The following GRIA4 variants were observed in gnomAD, a reference collection of about 807,000 sequenced individuals.
The protein encoded by GRIA4 is glutamate receptor 4.
A neutral mutation model predicts 104.0 loss-of-function variants in GRIA4; 34 were observed. That is an observed-to-expected ratio of 0.33 (90% CI 0.25 to 0.44). The LOEUF is 0.44. GRIA4 is among the 20% of genes least tolerant of loss of function. GRIA4 has a pLI of 1.00. For missense variants in GRIA4, 750 were observed against 1,096.5 expected (o/e 0.68, Z 4.46); for synonymous variants, 386 against 381.9 (o/e 1.01, Z -0.13).
intron 10 of GRIA4, chr11:105,912,462 T>C (rs1400723952): frequency 3.1e-6 from 3 of 956,210 alleles, no homozygotes; most frequent in African/African-American, 1.8e-5. Flanking sequence ...GGCTAGTTTT[T>C]AGGAAGCATG....
At chr11:105,914,940 G>A (rs1010279441) in intron 10 of GRIA4, among the ~76,000 whole-genome samples, 2 of 151,998 alleles carry the variant, frequency 1.3e-5, no homozygotes, top group Non-Finnish European at 2.9e-5. Flanking sequence ...TTCCCCCATA[G>A]TAGCCCCCTA....
At chr11:105,963,545 C>T (rs1948791965) in intron 14 of GRIA4, among the ~76,000 whole-genome samples, 1 of 152,050 alleles carries the variant, frequency 6.6e-6, no homozygotes, top group African/African-American at 2.4e-5. Flanking sequence ...ATTAAGTGGA[C>T]TCTATTGAGG....
chr11:105,758,480 T>A (rs866671907), intron 4 of GRIA4, among the ~76,000 whole-genome samples: 2 of 152,156 alleles, frequency 1.3e-5, no homozygotes, highest in South Asian at 4.1e-4. Flanking sequence ...AGCAATAAAT[T>A]TGCAAATGAA....
At chr11:105,962,321 A>T (rs1948764193) in intron 14 of GRIA4, among the ~76,000 whole-genome samples, 1 of 152,192 alleles carries the variant, frequency 6.6e-6, no homozygotes, top group Admixed American at 6.6e-5. Flanking sequence ...GCTTTTCACA[A>T]GGAAATCTTA....
intron 3 of GRIA4, among the ~76,000 whole-genome samples, chr11:105,629,022 C>T (rs925331866): frequency 1.4e-5 from 2 of 147,968 alleles, no homozygotes; most frequent in Non-Finnish European, 3.0e-5. Flanking sequence ...AAAATTATAT[C>T]GTATCATATT....
At chr11:105,624,340 A>T (rs1028098245) in intron 3 of GRIA4, among the ~76,000 whole-genome samples, 1 of 152,132 alleles carries the variant, frequency 6.6e-6, no homozygotes, top group Non-Finnish European at 1.5e-5. Flanking sequence ...ACCACTTTCA[A>T]AGTAGGAGAA....
chr11:105,876,238 T>C (rs905540191), intron 5 of GRIA4, among the ~76,000 whole-genome samples: 1 of 152,224 alleles, frequency 6.6e-6, no homozygotes, highest in Admixed American at 6.5e-5. Flanking sequence ...GTGAGTTTCT[T>C]AATCCTGAGT....
intron 3 of GRIA4, among the ~76,000 whole-genome samples, chr11:105,652,249 AAGAAT>A (rs1420431274): frequency 6.6e-6 from 1 of 152,190 alleles, no homozygotes; most frequent in Non-Finnish European, 1.5e-5. Context: ...TGAAGCAGAG[AAGAAT>A]AGAAGAAAGA....
Position 105,924,680 on chromosome 11 carries a change from C to T in GRIA4, c.1758C>T (p.Ser586=), listed in dbSNP as rs769713078. 10 of 1,612,464 alleles carry T rather than the reference C, an allele frequency of 6.2e-6. No individual in the cohort carries two copies. The highest frequency in any genetic ancestry group is 3.3e-5 in the Admixed American group (2 of 59,832). ...EEPEDGKEGP[S]DQPPNEFGIF... ...CAGAGGACGGAAAGGAAGGACCCAG[C>T]GACCAGCCTCCCAATGAGTTTGGCA... Residue 586 remains serine (S), a synonymous_variant, in exon 12 of 17, where the codon AGC becomes AGT. Transcript: ENST00000282499.
At chr11:105,859,357 C>CT (rs779219675) in intron 4 of GRIA4, among the ~76,000 whole-genome samples, 2 of 152,196 alleles carry the variant, frequency 1.3e-5, no homozygotes, top group African/African-American at 2.4e-5. Flanking sequence ...AAGTAACCAA[C>CT]TTTCTTTGCC....
chr11:105,672,973 C>A (rs1289205478), intron 3 of GRIA4, among the ~76,000 whole-genome samples: 1 of 151,932 alleles, frequency 6.6e-6, no homozygotes, highest in African/African-American at 2.4e-5. Flanking sequence ...CCAAATTGAA[C>A]TTTCGGAATT....
At chr11:105,769,214 A>T (rs1941095260) in intron 4 of GRIA4, among the ~76,000 whole-genome samples, 1 of 152,120 alleles carries the variant, frequency 6.6e-6, no homozygotes, top group South Asian at 2.1e-4. Flanking sequence ...ATGAAATGGC[A>T]GGCTTCTGTA....
chr11:105,828,805 C>A (rs995828552), intron 4 of GRIA4, among the ~76,000 whole-genome samples: 3 of 151,942 alleles, frequency 2.0e-5, no homozygotes, highest in African/African-American at 4.8e-5. Flanking sequence ...ATCCTCATAG[C>A]CTTATATCTT....
intron 3 of GRIA4, among the ~76,000 whole-genome samples, chr11:105,713,486 T>G (rs2135554649): frequency 6.6e-6 from 1 of 152,270 alleles, no homozygotes; most frequent in East Asian, 1.9e-4. Flanking sequence ...ATGATGGAAT[T>G]ATGGGATCTT....
chr11:105,891,738 C>A (rs1466137913), intron 6 of GRIA4, among the ~76,000 whole-genome samples: 1 of 152,144 alleles, frequency 6.6e-6, no homozygotes, highest in Non-Finnish European at 1.5e-5. Context: ...AGAACTTATT[C>A]TTGTTTTTTC....
chr11:105,738,314 C>T (rs895937415), intron 3 of GRIA4, among the ~76,000 whole-genome samples: 1 of 152,144 alleles, frequency 6.6e-6, no homozygotes, highest in Non-Finnish European at 1.5e-5. Context: ...TCTTGTTTGC[C>T]TCCATTCACT....
chr11:105,730,352 C>T (rs1051153309), intron 3 of GRIA4, among the ~76,000 whole-genome samples: 7 of 152,148 alleles, frequency 4.6e-5, no homozygotes, highest in Admixed American at 2.0e-4. Flanking sequence ...AGGAGAACTA[C>T]AAACCACTGC....
At chr11:105,628,251 A>C (rs1374183092) in intron 3 of GRIA4, among the ~76,000 whole-genome samples, 1 of 152,198 alleles carries the variant, frequency 6.6e-6, no homozygotes, top group Non-Finnish European at 1.5e-5. Context: ...TTGCAAATTT[A>C]TTTCTTAAAA....
intron 4 of GRIA4, among the ~76,000 whole-genome samples, chr11:105,777,184 T>C (rs1307873965): frequency 6.6e-6 from 1 of 152,226 alleles, no homozygotes; most frequent in Non-Finnish European, 1.5e-5. Context: ...CTTCATACTT[T>C]ATTTCACAAT....
Sources: gnomAD v4.1 joint callset for allele counts (sites outside exome capture counted in the v4.1 genomes callset) on GRCh38, gnomAD v4.1.1 for gene constraint, MANE v1.5 for transcripts, NCBI Gene and HGNC (gene_info 2026-07-23, HGNC 2026-07-21) for gene names.